The following ADGRD1 variants were observed in gnomAD, a reference collection of about 807,000 sequenced individuals.
The protein encoded by ADGRD1 is G-protein coupled receptor 133.
Under a neutral mutation model 113.4 loss-of-function variants are expected in ADGRD1, and 77 were observed. That is an observed-to-expected ratio of 0.68 (90% CI 0.57 to 0.82). The LOEUF (loss-of-function observed/expected upper bound fraction) is 0.82, where lower values mean the gene tolerates loss of function less well. Ranked by LOEUF, ADGRD1 falls within the 40% of genes least tolerant of loss-of-function variation. The probability of loss-of-function intolerance (pLI) is 0.00; values close to 1 mark genes in which losing one functional copy is unlikely to be tolerated. For synonymous variants in ADGRD1, 474 were observed against 475.0 expected, an observed-to-expected ratio of 1.00 and a Z score of 0.03; for missense variants, 1,036 against 1,139.1, an observed-to-expected ratio of 0.91 and a Z score of 1.30.
chr12:131,087,206 T>G (rs1423908930), intron 15 of ADGRD1, among the ~76,000 whole-genome samples: 2 of 152,210 alleles, frequency 1.3e-5, no homozygotes, highest in East Asian at 3.8e-4. Context: ...CACCAGCTTT[T>G]TTATGTGCAT....
chr12:131,110,050 A>G (rs938209828), intron 18 of ADGRD1, among the ~76,000 whole-genome samples: 3 of 152,244 alleles, frequency 2.0e-5, no homozygotes, highest in Admixed American at 1.3e-4. Context: ...TGCAGAGCAT[A>G]TATATTTTCC....
chr12:131,043,139 C>G (rs971317193), intron 13 of ADGRD1, among the ~76,000 whole-genome samples: 4 of 152,170 alleles, frequency 2.6e-5, no homozygotes, highest in Non-Finnish European at 4.4e-5. Context: ...GGGTTGGGAG[C>G]GAGACAGGCC....
At chr12:130,979,905 T>C (rs1456028478) in intron 4 of ADGRD1, among the ~76,000 whole-genome samples, 3 of 151,762 alleles carry the variant, frequency 2.0e-5, no homozygotes, top group African/African-American at 7.3e-5. Context: ...CAGATGCTAC[T>C]GGAGGCAGAG....
Position 130,966,413 on chromosome 12 carries a change from T to G in ADGRD1, c.104-50T>G. 8.3e-7 allele frequency: 1 copy of G among 1,209,336 alleles called. No homozygotes were observed. Among genetic ancestry groups the G allele is most frequent in the Non-Finnish European group, 1.2e-6 (1 of 811,816 alleles). 74.9% of individuals were successfully genotyped at this position (1,209,336 alleles called of 1,614,324 possible). ...GTGCTAAGCGGTTCTTACCCTCTGG[T>G]TCTTTCCTCTCTAATGATGATTTAA... On this transcript the variant is annotated intron_variant, in intron 2 of 24. Coordinates refer to ENST00000261654, the MANE Select transcript of ADGRD1 (RefSeq NM_198827.5). The surrounding 1 kb of genome is among the most constrained non-coding windows in gnomAD (Gnocchi z 4.6).
intron 4 of ADGRD1, among the ~76,000 whole-genome samples, chr12:130,979,093 G>A (rs908362084): frequency 2.0e-5 from 3 of 151,538 alleles, no homozygotes; most frequent in Non-Finnish European, 3.0e-5. Context: ...GCCAGGTCTG[G>A]GGACACCAGC....
chr12:131,004,389 G>C, intron 11 of ADGRD1, 93 bp downstream of exon 11: 1 of 739,138 alleles, frequency 1.4e-6, no homozygotes, highest in Admixed American at 2.5e-5. Context: ...ACCGCGCCAG[G>C]GAGCTGCGGT....
At chr12:130,982,112 C>G in intron 5 of ADGRD1, 49 bp downstream of exon 5, 1 of 1,510,332 alleles carries the variant, frequency 6.6e-7, no homozygotes, top group Non-Finnish European at 9.1e-7. Flanking sequence ...GGAGTGGAGT[C>G]TTCTCTGAGA....
At chr12:130,996,175 T>C (rs372610720) in intron 8 of ADGRD1, among the ~76,000 whole-genome samples, 3 of 150,218 alleles carry the variant, frequency 2.0e-5, no homozygotes, top group Non-Finnish European at 3.0e-5. Context: ...CCATGTCTAC[T>C]TCTTTCTACA....
In ADGRD1 at chr12:131,139,422, G is replaced by T; in HGVS notation, c.*159G>T. 1 of 617,932 alleles carries T rather than the reference G, an allele frequency of 1.6e-6. No individual in the cohort carries two copies. The highest frequency in any genetic ancestry group is 2.8e-5 in the East Asian group (1 of 35,272). The allele number at this position is 617,932 out of a possible 1,614,324, so 38.3% of individuals were successfully genotyped here. On this transcript the variant is annotated 3_prime_UTR_variant, in exon 25 of 25. Transcript: ENST00000261654. ...GTCCTCCCCTGTGACTCTGGCTGTC[G>T]GAGCACACTGCTCAGCCCAGCAGCC... is the stretch of plus-strand genomic sequence containing the variant.
intron 6 of ADGRD1, 105 bp downstream of exon 6, chr12:130,987,454 C>A: frequency 7.6e-7 from 1 of 1,316,052 alleles, no homozygotes; most frequent in Non-Finnish European, 1.1e-6. Context: ...ATCAGCACTG[C>A]AGGCGTGAGA....
intron 13 of ADGRD1, among the ~76,000 whole-genome samples, chr12:131,038,790 G>A (rs551695780): frequency 6.6e-6 from 1 of 152,342 alleles, no homozygotes; most frequent in Admixed American, 6.5e-5. Context: ...GATGTGATGG[G>A]TCCCCTAGAC....
At chr12:131,135,864 G>A (rs997427569) in intron 21 of ADGRD1, among the ~76,000 whole-genome samples, 173 bp from the exon 22 acceptor site, 77 of 152,324 alleles carry the variant, frequency 5.1e-4, no homozygotes, top group Admixed American at 1.4e-3. Context: ...GAAACACCGA[G>A]GCTCCTCCCA....
In ADGRD1 at chr12:131,010,507, C is replaced by T. The variant is rs554724051; in HGVS notation, c.1332-3692C>T. ...ACTTCTTTGGATTGAGTTCCTGAGCCGGTCTTCTGCACAGGCTGGGAAGTC... is the reference window on the plus strand; with the variant it reads ...ACTTCTTTGGATTGAGTTCCTGAGCTGGTCTTCTGCACAGGCTGGGAAGTC... On this transcript the variant is annotated intron_variant, in intron 12 of 24. Transcript: ENST00000261654. Among the ~76,000 whole-genome samples the T allele has an allele frequency of 3.3e-5, 5 of 152,304 alleles. No individual in the cohort carries two copies. In the South Asian group the frequency reaches 6.2e-4, roughly 19 times the overall value.
intron 12 of ADGRD1, among the ~76,000 whole-genome samples, chr12:131,008,510 C>G (rs897461659): frequency 6.6e-6 from 1 of 152,210 alleles, no homozygotes; most frequent in South Asian, 2.1e-4. Flanking sequence ...AGGGTGGGGC[C>G]TGGGCCGGAA....
At chr12:131,065,504 G>T (rs941552498) in intron 13 of ADGRD1, among the ~76,000 whole-genome samples, 1 of 152,190 alleles carries the variant, frequency 6.6e-6, no homozygotes, top group Non-Finnish European at 1.5e-5. Flanking sequence ...GTGGGAGGAG[G>T]CGTCAGAGAC....
intron 15 of ADGRD1, among the ~76,000 whole-genome samples, chr12:131,091,194 C>G (rs1886883081): frequency 1.3e-5 from 2 of 152,260 alleles, no homozygotes; most frequent in African/African-American, 4.8e-5. Flanking sequence ...AAAAGTAGGC[C>G]ATTGGAACAG....
chr12:131,004,403 C>CCCCCGGGCCGCCTGCGGTGCT (rs1876831271), intron 11 of ADGRD1, 107 bp downstream of exon 11: 4 of 851,572 alleles, frequency 4.7e-6, no homozygotes, highest in Non-Finnish European at 7.6e-6. Flanking sequence ...CTGCGGTGCT[C>CCCCCGGGCCGCCTGCGGTGCT]CCCCGGGCCG....
At chr12:130,981,103 AGT>A (rs1257267289) in intron 4 of ADGRD1, 1 of 152,256 alleles carries the variant, frequency 6.6e-6, no homozygotes, top group Non-Finnish European at 1.5e-5. Context: ...CAACCTTAAA[AGT>A]GTGCTTCCCT....
chr12:130,962,199 CTGAGG>C (rs1429761660), intron 2 of ADGRD1: 1 of 152,310 alleles, frequency 6.6e-6, no homozygotes, highest in Non-Finnish European at 1.5e-5. Flanking sequence ...TCTGTGGCAA[CTGAGG>C]TGTTTTACAC....
Sources: gnomAD v4.1 joint callset for allele counts (sites outside exome capture counted in the v4.1 genomes callset) on GRCh38, gnomAD v4.1.1 for gene constraint, Gnocchi (gnomAD v3.1) non-coding constraint, MANE v1.5 for transcripts, NCBI Gene and HGNC (gene_info 2026-07-23, HGNC 2026-07-21) for gene names.